Variants in CTNNA3 observed in about 807,000 individuals in gnomAD.
CTNNA3 encodes catenin alpha 3.
Under a neutral mutation model 95.7 loss-of-function variants are expected in CTNNA3, and 76 were observed. That is an observed-to-expected ratio of 0.79 (90% CI 0.66 to 0.96). The LOEUF is 0.96. Among genes scored for constraint, CTNNA3 ranks in the 40% least tolerant of loss-of-function variants. CTNNA3 has a pLI of 0.00. For missense variants in CTNNA3, 1,191 were observed against 1,089.8 expected, an observed-to-expected ratio of 1.09 and a Z score of -1.31; for synonymous variants, 431 against 374.4, an observed-to-expected ratio of 1.15 and a Z score of -1.74.
intron 12 of CTNNA3, among the ~76,000 whole-genome samples, chr10:66,327,894 C>T (rs2092275668): frequency 6.6e-6 from 1 of 151,888 alleles, no homozygotes; most frequent in African/African-American, 2.4e-5. Context: ...GATGTTATCT[C>T]TGCTTGTTTC....
At chr10:67,373,899 A>G (rs1843586808) in intron 5 of CTNNA3, among the ~76,000 whole-genome samples, 1 of 152,168 alleles carries the variant, frequency 6.6e-6, no homozygotes, top group African/African-American at 2.4e-5. Flanking sequence ...CTGTTTATAT[A>G]TCTGTCTCTC....
chr10:66,114,200 C>T (rs575124241), intron 13 of CTNNA3, among the ~76,000 whole-genome samples: 4 of 151,924 alleles, frequency 2.6e-5, no homozygotes, highest in Non-Finnish European at 4.4e-5. Flanking sequence ...TTTTTTTTAT[C>T]TTATCCTTAG....
chr10:66,968,973 C>T (rs558114758), intron 7 of CTNNA3, among the ~76,000 whole-genome samples: 3 of 152,032 alleles, frequency 2.0e-5, no homozygotes, highest in East Asian at 1.9e-4. Context: ...GCTGAGAACA[C>T]ACCACTGCAC....
chr10:66,475,360 A>AT (rs771446823), intron 11 of CTNNA3, among the ~76,000 whole-genome samples: 6 of 151,834 alleles, frequency 4.0e-5, no homozygotes, highest in Non-Finnish European at 5.9e-5. Context: ...GGGGTCATTT[A>AT]TTTTTTCTCT....
intron 5 of CTNNA3, among the ~76,000 whole-genome samples, chr10:67,250,141 TAC>T (rs1228385737): frequency 6.6e-6 from 1 of 152,182 alleles, no homozygotes; most frequent in African/African-American, 2.4e-5. Flanking sequence ...CAGGTCCACT[TAC>T]ACAGATTTTT....
intron 1 of CTNNA3, among the ~76,000 whole-genome samples, chr10:67,677,386 C>T (rs1023921432): frequency 6.6e-6 from 1 of 152,146 alleles, no homozygotes; most frequent in Admixed American, 6.5e-5. Context: ...CACATATGTG[C>T]TGTTTCCTTG....
chr10:66,943,528 T>G (rs1410748501), intron 7 of CTNNA3, among the ~76,000 whole-genome samples: 1 of 152,086 alleles, frequency 6.6e-6, no homozygotes, highest in African/African-American at 2.4e-5. Flanking sequence ...CCTTTTTTTT[T>G]TTTTCAGTAT....
At position 66,075,129 on chromosome 10, in the gene CTNNA3, T is replaced by C. The variant is rs187972314; in HGVS notation, c.1978-5640A>G. ...CTCCAAGACTGTATTAATAGCACAA[T>C]TGATCGTTTTTCATCTTCATATCTG... On this transcript the variant is annotated intron_variant, in intron 14 of 17. Coordinates refer to ENST00000433211, the MANE Select transcript of CTNNA3 (RefSeq NM_013266.4). Among the ~76,000 whole-genome samples, 10 of 151,980 alleles carry C rather than the reference T, an allele frequency of 6.6e-5. No homozygotes were observed. In the East Asian group the frequency reaches 1.9e-3, roughly 29 times the overall value.
At chr10:67,098,087 T>C (rs949359316) in intron 7 of CTNNA3, 2 of 381,954 alleles carry the variant, frequency 5.2e-6, no homozygotes, top group Non-Finnish European at 4.8e-6. Flanking sequence ...CTGTAAAAAC[T>C]GTACAAAGCT....
At position 66,019,767 on chromosome 10, in the gene CTNNA3, T is replaced by TG. The variant is rs2079164339; in HGVS notation, c.2160-30971_2160-30970insC. On this transcript the variant is annotated intron_variant, in intron 15 of 17. Coordinates refer to ENST00000433211, the MANE Select transcript of CTNNA3 (RefSeq NM_013266.4). ...AAAATTGCTTAGTGTAGTTTGATGT[T>TG]CCTGCAGCTTCAAAGTCTATAAAAT... is the stretch of plus-strand genomic sequence containing the variant. Among the ~76,000 whole-genome samples the TG allele has an allele frequency of 2.0e-5, 3 of 152,180 alleles. No homozygotes were observed. In the South Asian group the frequency reaches 6.2e-4, roughly 32 times the overall value.
At chr10:67,185,465 A>G (rs1425741569) in intron 6 of CTNNA3, among the ~76,000 whole-genome samples, 1 of 151,566 alleles carries the variant, frequency 6.6e-6, no homozygotes, top group East Asian at 1.9e-4. Context: ...GAGTCTCTCC[A>G]TTTTTCTGTC....
At chr10:67,254,835 T>G in intron 5 of CTNNA3, among the ~76,000 whole-genome samples, 1 of 152,106 alleles carries the variant, frequency 6.6e-6, no homozygotes, top group East Asian at 1.9e-4. Context: ...ACCTTCTAGG[T>G]TTGTATAAGT....
At chr10:67,695,545 T>C (rs563221518) in intron 1 of CTNNA3, among the ~76,000 whole-genome samples, 1 of 152,356 alleles carries the variant, frequency 6.6e-6, no homozygotes, top group Non-Finnish European at 1.5e-5. Flanking sequence ...CAGAAATTAA[T>C]GCTTTTTGCC....
intron 3 of CTNNA3, among the ~76,000 whole-genome samples, chr10:67,571,121 A>G (rs565686440): frequency 1.1e-4 from 17 of 152,214 alleles, no homozygotes; most frequent in African/African-American, 3.1e-4. Context: ...ATTAATGATG[A>G]TAATAATAAC....
upstream of CTNNA3, among the ~76,000 whole-genome samples, chr10:67,699,531 A>G (rs1001222877): frequency 6.6e-6 from 1 of 152,208 alleles, no homozygotes; most frequent in African/African-American, 2.4e-5. Context: ...CTATGGCTCA[A>G]AATGAAAGAC....
At chr10:66,465,035 C>G (rs1236646777) in intron 11 of CTNNA3, among the ~76,000 whole-genome samples, 1 of 152,038 alleles carries the variant, frequency 6.6e-6, no homozygotes, top group Non-Finnish European at 1.5e-5. Flanking sequence ...CGGACATAGA[C>G]AAATGATAGC....
intron 5 of CTNNA3, among the ~76,000 whole-genome samples, chr10:67,414,286 C>T (rs2132848210): frequency 6.6e-6 from 1 of 152,142 alleles, no homozygotes; most frequent in East Asian, 1.9e-4. Flanking sequence ...AAAAGAACCT[C>T]AGAGACTACT....
intron 14 of CTNNA3, among the ~76,000 whole-genome samples, chr10:66,102,568 C>G (rs541240872): frequency 6.6e-6 from 1 of 152,292 alleles, no homozygotes; most frequent in South Asian, 2.1e-4. Context: ...TCTGTAGTTG[C>G]AAGCGATAAG....
intron 6 of CTNNA3, among the ~76,000 whole-genome samples, chr10:67,191,270 A>C (rs1310647537): frequency 6.6e-6 from 1 of 152,064 alleles, no homozygotes; most frequent in East Asian, 1.9e-4. Context: ...AAGCAAGAAG[A>C]AGAAATAAAA....
Sources: gnomAD v4.1 joint callset for allele counts (sites outside exome capture counted in the v4.1 genomes callset) on GRCh38, gnomAD v4.1.1 for gene constraint, MANE v1.5 for transcripts, NCBI Gene and HGNC (gene_info 2026-07-23, HGNC 2026-07-21) for gene names.